The following ALG9 variants were observed in gnomAD, a reference collection of about 807,000 sequenced individuals.
ALG9 encodes the protein alpha-1,2-mannosyltransferase ALG9.
ALG9 carries 55 observed loss-of-function variants against 81.8 expected under a neutral mutation model. The observed-to-expected ratio is 0.67, with a 90% confidence interval of 0.54 to 0.84. The LOEUF (loss-of-function observed/expected upper bound fraction) is 0.84. Ranked by LOEUF, ALG9 falls within the 40% of genes least tolerant of loss-of-function variation. ALG9 has a pLI of 0.00. For missense variants in ALG9, 629 were observed against 745.0 expected (o/e 0.84, Z 1.81); for synonymous variants, 278 against 274.3 (o/e 1.01, Z -0.13).
At chr11:111,835,488 T>C (rs1555116636) in intron 13 of ALG9, among the ~76,000 whole-genome samples, 1 of 152,176 alleles carries the variant, frequency 6.6e-6, no homozygotes, top group Non-Finnish European at 1.5e-5. Context: ...GTTCATTTGT[T>C]AAAACCGGAA....
At chr11:111,800,241 G>A (rs1048154117) in intron 14 of ALG9, among the ~76,000 whole-genome samples, 49 of 152,228 alleles carry the variant, frequency 3.2e-4, no homozygotes, top group African/African-American at 1.2e-3. Context: ...AGCACTTTGG[G>A]AGGCTGAGGC....
chr11:111,865,106 G>A, intron 4 of ALG9, 75 bp downstream of exon 4: 1 of 1,221,228 alleles, frequency 8.2e-7, no homozygotes. Flanking sequence ...TCACTGCCTA[G>A]ACTATCACAA....
At chr11:111,821,877 G>A (rs1792978305) in intron 13 of ALG9, among the ~76,000 whole-genome samples, 1 of 151,988 alleles carries the variant, frequency 6.6e-6, no homozygotes, top group Non-Finnish European at 1.5e-5. Context: ...CTTGTGATCC[G>A]CCTGCCTCGG....
chr11:111,823,042 A>G (rs967695690), intron 13 of ALG9, among the ~76,000 whole-genome samples: 52 of 152,340 alleles, frequency 3.4e-4, no homozygotes, highest in South Asian at 1.0e-3. Flanking sequence ...AAAATAAAAA[A>G]GAAGCTCTGT....
chr11:111,794,384 A>G (rs1555073376), intron 14 of ALG9, among the ~76,000 whole-genome samples: 1 of 152,144 alleles, frequency 6.6e-6, no homozygotes, highest in East Asian at 1.9e-4. Context: ...CCTGGGTTCA[A>G]GTGATCCTCC....
chr11:111,781,754 T>C (rs1401295127), downstream of ALG9, among the ~76,000 whole-genome samples: 1 of 152,194 alleles, frequency 6.6e-6, no homozygotes, highest in Non-Finnish European at 1.5e-5. Flanking sequence ...TTCAAGTGAT[T>C]CTCCTGCCTC....
At chr11:111,844,560 T>C in intron 9 of ALG9, 41 bp downstream of exon 9, 1 of 1,613,324 alleles carries the variant, frequency 6.2e-7, no homozygotes, top group South Asian at 1.1e-5. Flanking sequence ...CATTACTTGC[T>C]CTTTCCTCCC....
chr11:111,849,601 T>G (rs1251794939), intron 8 of ALG9: 1 of 152,248 alleles, frequency 6.6e-6, no homozygotes, highest in African/African-American at 2.4e-5. Context: ...CCAGCATGCA[T>G]TAGCTATTAT....
chr11:111,820,430 A>G (rs1167194582), intron 13 of ALG9, among the ~76,000 whole-genome samples: 1 of 152,226 alleles, frequency 6.6e-6, no homozygotes, highest in Non-Finnish European at 1.5e-5. Flanking sequence ...AGAGACAGCA[A>G]GAAGGGGATG....
downstream of ALG9, among the ~76,000 whole-genome samples, chr11:111,781,173 TC>T (rs1555056779): frequency 6.6e-6 from 1 of 152,092 alleles, no homozygotes. Context: ...GAGAAATAAA[TC>T]AAACCAAGTT....
intron 14 of ALG9, among the ~76,000 whole-genome samples, chr11:111,787,457 T>C (rs1449135920): frequency 6.6e-6 from 1 of 152,018 alleles, no homozygotes; most frequent in Admixed American, 6.5e-5. Flanking sequence ...TTTTAAAAAT[T>C]ATTTTATTTC....
In ALG9 at chr11:111,791,849, T is replaced by C. The variant is rs185071680; in HGVS notation, c.1734-5329A>G. ...GCTTACGCCTGTAATCCCAGCACTT[T>C]GGGAGGCCAAGGCGGGTGAATCACT... On this transcript the variant is annotated intron_variant, in intron 14 of 14. Coordinates refer to ENST00000616540, the MANE Select transcript of ALG9 (RefSeq NM_024740.2). Among the ~76,000 whole-genome samples the C allele has an allele frequency of 1.1e-4, 16 of 152,358 alleles. No homozygotes were observed. In the East Asian group the frequency reaches 2.7e-3, roughly 26 times the overall value.
At position 111,840,698 on chromosome 11, in the gene ALG9, G is replaced by A; in HGVS notation, c.1130C>T (p.Pro377Leu). Residue 377 changes from proline to leucine, a missense_variant, in exon 10 of 15, where the codon CCA (proline) becomes CTA (leucine). Physicochemically the swap from Pro to Leu is moderately conservative, Grantham distance 98. Transcript: ENST00000616540. Reference protein sequence around the residue: ...KEERFLFPVYPLICLCGAVAL... With the variant: ...KEERFLFPVYLLICLCGAVAL... ...CACAGCGCCACAGAGACATATAAGT[G>A]GATACACAGGGAAAAGAAATCTCTC... 6.2e-7 allele frequency: 1 copy of A among 1,613,876 alleles called. No homozygotes were observed. Among genetic ancestry groups the A allele is most frequent in the Non-Finnish European group, 8.5e-7 (1 of 1,179,950 alleles).
intron 4 of ALG9, among the ~76,000 whole-genome samples, chr11:111,861,011 A>G (rs1192097313): frequency 2.6e-5 from 4 of 152,224 alleles, no homozygotes; most frequent in Non-Finnish European, 5.9e-5. Context: ...CTGATTCCTC[A>G]AGCATAAAAT....
chr11:111,797,909 C>A (rs781847171), intron 14 of ALG9, among the ~76,000 whole-genome samples: 2 of 152,150 alleles, frequency 1.3e-5, no homozygotes, highest in African/African-American at 2.4e-5. Flanking sequence ...CAGCACAGTC[C>A]CCAACTTGCC....
chr11:111,821,312 T>G (rs898297473), intron 13 of ALG9, among the ~76,000 whole-genome samples: 3 of 152,146 alleles, frequency 2.0e-5, no homozygotes, highest in Non-Finnish European at 4.4e-5. Flanking sequence ...ACAGGTGTAC[T>G]GCCCCAGTCA....
chr11:111,862,512 G>A (rs1415693738), intron 4 of ALG9, among the ~76,000 whole-genome samples: 1 of 151,110 alleles, frequency 6.6e-6, no homozygotes, highest in Non-Finnish European at 1.5e-5. Context: ...GGGATTACAG[G>A]CATAAAACAC....
chr11:111,811,115 G>C (rs190916657), intron 13 of ALG9, among the ~76,000 whole-genome samples: 1 of 152,098 alleles, frequency 6.6e-6, no homozygotes, highest in Non-Finnish European at 1.5e-5. Flanking sequence ...TAGACTTACA[G>C]GATGTCAATC....
At chr11:111,793,527 C>T (rs1024154770) in intron 14 of ALG9, among the ~76,000 whole-genome samples, 4 of 151,640 alleles carry the variant, frequency 2.6e-5, no homozygotes, top group East Asian at 1.9e-4. Context: ...TTTGGGAGGC[C>T]GAGGCGGGCG....
Sources: allele counts gnomAD v4.1 joint callset (sites outside exome capture counted in the v4.1 genomes callset), GRCh38; gene constraint gnomAD v4.1.1; transcripts MANE v1.5; gene names NCBI Gene and HGNC (gene_info 2026-07-23, HGNC 2026-07-21).